The following NCKAP5 variants were observed in gnomAD, a reference collection of about 807,000 sequenced individuals.
NCKAP5 encodes nck-associated protein 5.
A neutral mutation model predicts 167.0 loss-of-function variants in NCKAP5; 92 were observed. That is an observed-to-expected ratio of 0.55 (90% CI 0.47 to 0.66). NCKAP5 has a LOEUF of 0.66. Ranked by LOEUF, NCKAP5 falls within the 30% of genes least tolerant of loss-of-function variation. The probability of loss-of-function intolerance (pLI) is 0.00; values close to 1 mark genes in which losing one functional copy is unlikely to be tolerated. For missense variants in NCKAP5, 2,378 were observed against 2,315.0 expected (o/e 1.03, Z -0.56); for synonymous variants, 891 against 877.4 (o/e 1.02, Z -0.27).
the NCKAP5 span, among the ~76,000 whole-genome samples, chr2:133,617,373 G>C: frequency 6.6e-6 from 1 of 150,662 alleles, no homozygotes; most frequent in Non-Finnish European, 1.5e-5. Context: ...GTCCCTGTTT[G>C]CAGACGACAT....
intron 10 of NCKAP5, among the ~76,000 whole-genome samples, chr2:132,866,192 G>T (rs1690338539): frequency 6.6e-6 from 1 of 152,140 alleles, no homozygotes; most frequent in Admixed American, 6.5e-5. Flanking sequence ...AATAACTGCA[G>T]AGAAAATGCC....
At chr2:132,940,496 G>C (rs146971070) in intron 8 of NCKAP5, among the ~76,000 whole-genome samples, 190 of 152,200 alleles carry the variant, frequency 1.2e-3, no homozygotes, top group African/African-American at 4.3e-3. Context: ...CTTGTAGTTG[G>C]TTAAATCTAT....
At chr2:133,045,079 GA>G (rs1300166827) in intron 6 of NCKAP5, among the ~76,000 whole-genome samples, 2 of 146,374 alleles carry the variant, frequency 1.4e-5, no homozygotes, top group Non-Finnish European at 1.5e-5. Flanking sequence ...AGAAAGAAAA[GA>G]AAAAAAAAGA....
intron 6 of NCKAP5, among the ~76,000 whole-genome samples, chr2:133,001,469 C>G (rs1003897689): frequency 6.6e-6 from 1 of 152,080 alleles, no homozygotes; most frequent in Non-Finnish European, 1.5e-5. Context: ...CTCAGCCTCC[C>G]AAAGTGCTGG....
chr2:133,057,935 C>T (rs572219268), intron 6 of NCKAP5, among the ~76,000 whole-genome samples: 4 of 152,300 alleles, frequency 2.6e-5, no homozygotes, highest in East Asian at 3.9e-4. Context: ...TAGAGACTAA[C>T]GCAATGTGAC....
intron 5 of NCKAP5, among the ~76,000 whole-genome samples, chr2:133,196,238 A>G (rs1469267001): frequency 6.6e-6 from 1 of 152,168 alleles, no homozygotes; most frequent in Non-Finnish European, 1.5e-5. Flanking sequence ...TCTAAAGTGT[A>G]TGAGCTTCAG....
intron 3 of NCKAP5, among the ~76,000 whole-genome samples, chr2:133,384,471 G>C (rs1344330919): frequency 6.6e-6 from 1 of 152,196 alleles, no homozygotes; most frequent in East Asian, 1.9e-4. Flanking sequence ...TTGTAGTATA[G>C]TTTGAAGTCA....
In NCKAP5 at chr2:133,279,758, A is replaced by T. The variant is rs1405209010; in HGVS notation, c.143+23279T>A. On this transcript the variant is annotated intron_variant, in intron 4 of 19. Transcript: ENST00000409261. Reference sequence around the variant, plus strand: ...ATTATTGTCATTAATGAAATGTATAAATGGAATGCAACTAAATAGTGCCTG... The same window carrying T: ...ATTATTGTCATTAATGAAATGTATATATGGAATGCAACTAAATAGTGCCTG... Among the ~76,000 whole-genome samples the T allele has an allele frequency of 2.6e-5, 4 of 152,256 alleles. No individual in the cohort carries two copies. In the East Asian group the frequency reaches 7.7e-4, roughly 29 times the overall value.
chr2:132,807,817 C>A (rs184528508), intron 11 of NCKAP5, among the ~76,000 whole-genome samples: 2 of 152,094 alleles, frequency 1.3e-5, no homozygotes, highest in African/African-American at 4.8e-5. Flanking sequence ...TGAGAGTGGG[C>A]ATCCTTGTCT....
At chr2:133,545,504 G>C (rs529790618) in intron 2 of NCKAP5, among the ~76,000 whole-genome samples, 1 of 152,074 alleles carries the variant, frequency 6.6e-6, no homozygotes, top group Non-Finnish European at 1.5e-5. Flanking sequence ...CCATTGATCA[G>C]CATCATGATA....
At chr2:132,893,805 GT>G (rs557986982) in intron 8 of NCKAP5, among the ~76,000 whole-genome samples, 238 of 152,264 alleles carry the variant, frequency 1.6e-3, no homozygotes, top group African/African-American at 5.3e-3. Context: ...GGTACTCAAT[GT>G]TTTGCTTCAT....
the NCKAP5 span, among the ~76,000 whole-genome samples, chr2:133,672,231 G>A: frequency 1.1e-3 from 171 of 151,532 alleles, no homozygotes; most frequent in Non-Finnish European, 1.8e-3. Context: ...GATGGGGAAG[G>A]GTTTGTTGAT....
chr2:133,631,442 C>T, the NCKAP5 span, among the ~76,000 whole-genome samples: 1 of 152,214 alleles, frequency 6.6e-6, no homozygotes, highest in Non-Finnish European at 1.5e-5. Context: ...CATTTTAAAA[C>T]TATACCTCCA....
rs984581230 is a variant in NCKAP5 at position 132,672,988 on chromosome 2, G to A, written c.*301C>T. 2 of 930,032 alleles carry A rather than the reference G, an allele frequency of 2.2e-6. No homozygotes were observed. The highest frequency in any genetic ancestry group is 5.0e-5 in the South Asian group (1 of 19,944). 57.6% of individuals were successfully genotyped at this position (930,032 alleles called of 1,614,324 possible). On this transcript the variant is annotated 3_prime_UTR_variant, in exon 20 of 20. Coordinates refer to ENST00000409261, the MANE Select transcript of NCKAP5 (RefSeq NM_207363.3). ...ACCCCCCACCCATCATTTCTTAAGC[G>A]CTCCAGTCCCAGCTCACTAAGGGAA...
At chr2:133,647,596 A>G in the NCKAP5 span, among the ~76,000 whole-genome samples, 1 of 144,250 alleles carries the variant, frequency 6.9e-6, no homozygotes, top group East Asian at 2.1e-4. Flanking sequence ...ATAGAGAGGG[A>G]GAGAGAGAGA....
intron 3 of NCKAP5, among the ~76,000 whole-genome samples, chr2:133,440,506 C>T (rs1490347748): frequency 1.3e-5 from 2 of 151,710 alleles, no homozygotes; most frequent in African/African-American, 2.4e-5. Context: ...GTCAGGAGAT[C>T]GAGACCATCC....
At chr2:133,356,616 G>A (rs137983453) in intron 3 of NCKAP5, among the ~76,000 whole-genome samples, 1 of 152,246 alleles carries the variant, frequency 6.6e-6, no homozygotes, top group African/African-American at 2.4e-5. Context: ...ACATCTTTGG[G>A]TTATATCACC....
At chr2:133,206,409 C>T (rs1396982088) in intron 5 of NCKAP5, among the ~76,000 whole-genome samples, 1 of 152,152 alleles carries the variant, frequency 6.6e-6, no homozygotes, top group Non-Finnish European at 1.5e-5. Flanking sequence ...CCTGTCTTTA[C>T]TGCAATCTCT....
chr2:132,859,971 G>A (rs547546178), intron 11 of NCKAP5, among the ~76,000 whole-genome samples: 51 of 152,260 alleles, frequency 3.3e-4, no homozygotes, highest in African/African-American at 1.1e-3. Flanking sequence ...ATAGTTCAGT[G>A]AGAGCACTTA....
Sources: gnomAD v4.1 joint callset for allele counts (sites outside exome capture counted in the v4.1 genomes callset) on GRCh38, gnomAD v4.1.1 for gene constraint, MANE v1.5 for transcripts, NCBI Gene and HGNC (gene_info 2026-07-23, HGNC 2026-07-21) for gene names.